CAND1: variants seen among roughly 807,000 people sequenced by gnomAD.
CAND1 encodes the protein cullin associated and neddylation dissociated 1, also known as cullin-associated NEDD8-dissociated protein 1.
CAND1 carries 7 observed loss-of-function variants against 108.5 expected under a neutral mutation model. The ratio of observed to expected loss-of-function variants is 0.06; its 90% CI spans 0.04 to 0.12. CAND1 has a LOEUF of 0.12. Ranked by LOEUF, CAND1 falls within the 10% of genes least tolerant of loss-of-function variation. The pLI is 1.00. For missense variants in CAND1, 941 were observed against 1,448.7 expected, an observed-to-expected ratio of 0.65 and a Z score of 5.69; for synonymous variants, 534 against 512.0, an observed-to-expected ratio of 1.04 and a Z score of -0.58.
At chr12:67,278,278 C>T (rs181521043) in intron 1 of CAND1, among the ~76,000 whole-genome samples, 1 of 152,280 alleles carries the variant, frequency 6.6e-6, no homozygotes, top group Non-Finnish European at 1.5e-5. Context: ...CTGCCTCAGC[C>T]TCCCAAATAG....
At chr12:67,271,908 TGTTTA>T (rs2044524192) in intron 1 of CAND1, among the ~76,000 whole-genome samples, 1 of 152,264 alleles carries the variant, frequency 6.6e-6, no homozygotes, top group African/African-American at 2.4e-5. Context: ...GCACTTTATA[TGTTTA>T]GTTTAAACAG....
Position 67,310,398 on chromosome 12 carries a change from T to G in CAND1, c.3360+82T>G, listed in dbSNP as rs1357089463. The G allele has an allele frequency of 3.0e-6, 3 of 1,016,672 alleles. No homozygotes were observed. In the African/African-American group the frequency reaches 4.8e-5, roughly 16 times the overall value. 63.0% of individuals were successfully genotyped at this position (1,016,672 alleles called of 1,614,324 possible). A position where few individuals can be genotyped will look rare whatever the true frequency, so the allele number is the denominator to read the frequency against. ...CTTTCACCCTTGTAATTTACTCATG[T>G]GTCTGAGAAAAATCAGGTTGTCTGT... On this transcript the variant is annotated intron_variant, in intron 13 of 14. Transcript: ENST00000545606.
rs1285042845 is a variant in CAND1, at chr12:67,317,188, A to C, written c.*4358A>C. The stretch of plus-strand genomic sequence containing the variant: ...GGTCTCACTCTGTTGCCTGGACTGG[A>C]GTACATAGCACGAACATGGTTTACT... On this transcript the variant is annotated 3_prime_UTR_variant, in exon 15 of 15. Transcript: ENST00000545606. The C allele has an allele frequency of 6.6e-6, 1 of 152,250 alleles. No homozygotes were observed. Among genetic ancestry groups the C allele is most frequent in the African/African-American group, 2.4e-5 (1 of 41,440 alleles). The allele number at this position is 152,250 out of a possible 1,614,324, so 9.4% of individuals were successfully genotyped here.
chr12:67,286,712 T>C (rs1456860140), intron 2 of CAND1, among the ~76,000 whole-genome samples: 4 of 152,178 alleles, frequency 2.6e-5, no homozygotes, highest in Non-Finnish European at 1.5e-5. Flanking sequence ...TGGTTATTGT[T>C]TTCTGTGTCC....
At position 67,305,507 on chromosome 12, in the gene CAND1, G is replaced by A. The variant is rs1373179793; in HGVS notation, c.1839G>A (p.Gln613=). Residue 613 remains glutamine (Q), a synonymous_variant, in exon 10 of 15, where the codon CAG becomes CAA. Coordinates refer to ENST00000545606, the MANE Select transcript of CAND1 (RefSeq NM_018448.5). This position sits in a 1 kb window ranked among gnomAD's most constrained non-coding sequence, Gnocchi z 4.4. ...GTTCTGACTTGCCTAATACACTTCA[G>A]ATTTTCTTGGAGAGACTAAAGAATG... ...NLGSDLPNTL[Q]IFLERLKNEI... 3 of 1,613,714 alleles carry A rather than the reference G, an allele frequency of 1.9e-6. No homozygotes were observed. In the African/African-American group the frequency reaches 4.0e-5, roughly 22 times the overall value.
chr12:67,299,037 T>C lies in CAND1; in HGVS notation c.942T>C (p.Asp314=). 1 of 1,496,432 alleles carries C rather than the reference T, an allele frequency of 6.7e-7. No individual in the cohort carries two copies. The highest frequency in any genetic ancestry group is 9.3e-7 in the Non-Finnish European group (1 of 1,076,652). 92.7% of individuals were successfully genotyped at this position (1,496,432 alleles called of 1,614,324 possible). Residue 314 remains aspartate (D), a synonymous_variant, in exon 7 of 15, where the codon GAT becomes GAC. Coordinates refer to ENST00000545606, the MANE Select transcript of CAND1 (RefSeq NM_018448.5). ...YLTYDPNYNY[D]DEDEDENAMD... Reference sequence around the variant, plus strand: ...CCTATGATCCAAATTATAATTACGATGATGAAGATGAAGATGAAAATGCAA... The same window carrying C: ...CCTATGATCCAAATTATAATTACGACGATGAAGATGAAGATGAAAATGCAA...
rs766493648 is a variant in CAND1 at position 67,305,711 on chromosome 12, T to C, written c.2043T>C (p.Tyr681=). ...CCCTTGATATTCTAATAAAAAACTATAGTGACAGCTTGACAGCTGCCATGA... is the reference window on the plus strand; with the variant it reads ...CCCTTGATATTCTAATAAAAAACTACAGTGACAGCTTGACAGCTGCCATGA... ...LSALDILIKN[Y]SDSLTAAMID... Residue 681 remains tyrosine (Y), a synonymous_variant, in exon 10 of 15, where the codon TAT becomes TAC. Coordinates refer to ENST00000545606, the MANE Select transcript of CAND1 (RefSeq NM_018448.5). This position sits in a 1 kb window ranked among gnomAD's most constrained non-coding sequence, Gnocchi z 4.4. 35 of 1,614,008 alleles carry C rather than the reference T, an allele frequency of 2.2e-5. No individual in the cohort carries two copies. Among genetic ancestry groups the C allele is most frequent in the Non-Finnish European group, 2.7e-5 (32 of 1,180,000 alleles).
At chr12:67,287,857 A>ATTTTTTTTTTT (rs34177330) in intron 2 of CAND1, among the ~76,000 whole-genome samples, 1 of 112,590 alleles carries the variant, frequency 8.9e-6, no homozygotes, top group Non-Finnish European at 1.8e-5. Context: ...TTTTGATGTG[A>ATTTTTTTTTTT]TTTTTTTTTT....
At chr12:67,290,165 C>G (rs12321396) in intron 2 of CAND1, among the ~76,000 whole-genome samples, 3 of 152,088 alleles carry the variant, frequency 2.0e-5, no homozygotes, top group African/African-American at 4.8e-5. Context: ...CTGTTCTTTA[C>G]AAGAACTTGT....
chr12:67,303,077 A>G (rs1051642202), intron 8 of CAND1, among the ~76,000 whole-genome samples: 8 of 152,300 alleles, frequency 5.3e-5, no homozygotes, highest in Non-Finnish European at 1.2e-4. Context: ...AGTGCCTACT[A>G]CATATATGCT....
At position 67,284,917 on chromosome 12, in the gene CAND1, A is replaced by G. The variant is rs978879216; in HGVS notation, c.212+2864A>G. ...TTGAGGGTATTAACCACTTTAAGAC[A>G]GAGGGGTAGGAAGAAAGTTAGAGGC... On this transcript the variant is annotated intron_variant, in intron 2 of 14. Transcript: ENST00000545606. Among the ~76,000 whole-genome samples the G allele has an allele frequency of 5.3e-5, 8 of 152,346 alleles. No homozygotes were observed. The East Asian group carries it at 9.6e-4, about 18-fold the overall frequency.
intron 2 of CAND1, among the ~76,000 whole-genome samples, chr12:67,291,593 G>A (rs2044722229): frequency 6.6e-6 from 1 of 152,016 alleles, no homozygotes; most frequent in African/African-American, 2.4e-5. Flanking sequence ...ATTAATTTAT[G>A]TTTCATATAT....
rs760619834 is a variant in CAND1 at position 67,273,669 on chromosome 12, G to T, written c.68+3884G>T. Among the ~76,000 whole-genome samples the T allele has an allele frequency of 1.4e-4, 21 of 151,740 alleles. 1 individual carries two copies. Among genetic ancestry groups the T allele is most frequent in the Non-Finnish European group, 2.5e-4 (17 of 67,894 alleles). ...CAGCTAATTTTTTTTATAGAGATGG[G>T]TATCACCATGTTTCCCAGGCTGGTC... is the stretch of plus-strand genomic sequence containing the variant. On this transcript the variant is annotated intron_variant, in intron 1 of 14. Coordinates refer to ENST00000545606, the MANE Select transcript of CAND1 (RefSeq NM_018448.5).
Position 67,312,717 on chromosome 12 carries a change from C to T in CAND1, c.3580C>T (p.Leu1194=). 16 of 1,613,836 alleles carry T rather than the reference C, an allele frequency of 9.9e-6. No individual in the cohort carries two copies. The highest frequency in any genetic ancestry group is 5.9e-6 in the Non-Finnish European group (7 of 1,179,778). The change falls in exon 15 of 15, where the codon CTG becomes TTG. Residue 1194 remains leucine, a synonymous_variant. Transcript: ENST00000545606. ...CATTCCAGAAGCAGAGAAGAGTCCA[C>T]TGATGAGTGAATTCCAGTCACAGAT... is the stretch of plus-strand genomic sequence containing the variant. The part of the protein sequence containing the change: ...LTIPEAEKSP[L]MSEFQSQISS...
At chr12:67,303,598 G>A (rs191500053) in intron 8 of CAND1, among the ~76,000 whole-genome samples, 1 of 152,272 alleles carries the variant, frequency 6.6e-6, no homozygotes, top group East Asian at 1.9e-4. Flanking sequence ...ATGTGTCCAT[G>A]TAGTTTGGTT....
chr12:67,281,760 T>G (rs1040089418), intron 1 of CAND1, 150 bp from the exon 2 acceptor site: 1 of 550,992 alleles, frequency 1.8e-6, no homozygotes, highest in Non-Finnish European at 3.1e-6. Flanking sequence ...TAGATTAAAT[T>G]TATGATCACT....
chr12:67,306,936 A>T (rs984523868), intron 10 of CAND1, among the ~76,000 whole-genome samples: 3 of 152,158 alleles, frequency 2.0e-5, no homozygotes, highest in Non-Finnish European at 4.4e-5. Flanking sequence ...AATAAGTATA[A>T]TTGGTGACAG....
intron 2 of CAND1, among the ~76,000 whole-genome samples, chr12:67,287,857 A>ATTTT (rs34177330): frequency 1.3e-4 from 15 of 112,514 alleles, no homozygotes; most frequent in South Asian, 2.9e-4. Flanking sequence ...TTTTGATGTG[A>ATTTT]TTTTTTTTTT....
chr12:67,272,008 A>T (rs2044525196), intron 1 of CAND1, among the ~76,000 whole-genome samples: 1 of 152,094 alleles, frequency 6.6e-6, no homozygotes, highest in African/African-American at 2.4e-5. Context: ...ATTTATTTTA[A>T]TTTGCTCTTT....
Sources: gnomAD v4.1 joint callset for allele counts (sites outside exome capture counted in the v4.1 genomes callset) on GRCh38, gnomAD v4.1.1 for gene constraint, Gnocchi (gnomAD v3.1) non-coding constraint, MANE v1.5 for transcripts, NCBI Gene and HGNC (gene_info 2026-07-23, HGNC 2026-07-21) for gene names.